Variants in PRKCH observed in about 807,000 individuals in gnomAD.
PRKCH encodes protein kinase C eta type.
PRKCH carries 28 observed loss-of-function variants against 82.5 expected under a neutral mutation model. That is an observed-to-expected ratio of 0.34 (90% CI 0.25 to 0.47). The LOEUF is 0.47. Among genes scored for constraint, PRKCH ranks in the 20% least tolerant of loss-of-function variants. PRKCH has a pLI of 1.00. For synonymous variants in PRKCH, 322 were observed against 327.4 expected (o/e 0.98, Z 0.18); for missense variants, 705 against 881.8 (o/e 0.80, Z 2.54).
intron 6 of PRKCH, 92 bp from the exon 7 acceptor site, chr14:61,453,134 T>C: frequency 6.7e-7 from 1 of 1,490,018 alleles, no homozygotes; most frequent in Non-Finnish European, 9.4e-7. Context: ...ATTCCTCTGT[T>C]ATAATCTTTT....
At chr14:61,485,793 T>G (rs975049297) in intron 10 of PRKCH, 137 bp downstream of exon 10, 12 of 1,256,734 alleles carry the variant, frequency 9.5e-6, no homozygotes, top group Admixed American at 7.2e-5. Context: ...TTTTGGTTTT[T>G]GTTTTTGAGA....
At chr14:61,362,340 TAAAA>T (rs10591516) in intron 1 of PRKCH, among the ~76,000 whole-genome samples, 14 of 125,500 alleles carry the variant, frequency 1.1e-4, no homozygotes, top group Admixed American at 1.6e-4. Context: ...CATCTTGTCT[TAAAA>T]AAAAAAAAAA....
intron 10 of PRKCH, 136 bp from the exon 11 acceptor site, chr14:61,528,939 G>A (rs1594788208): frequency 9.3e-6 from 8 of 859,174 alleles, no homozygotes; most frequent in Non-Finnish European, 1.4e-5. Flanking sequence ...TTTGACGTGT[G>A]TACAGGAAGC....
At chr14:61,498,425 C>T (rs571363696) in intron 10 of PRKCH, among the ~76,000 whole-genome samples, 1 of 152,306 alleles carries the variant, frequency 6.6e-6, no homozygotes, top group South Asian at 2.1e-4. Flanking sequence ...CAGCCTCACG[C>T]CGTGACCACT....
intron 9 of PRKCH, among the ~76,000 whole-genome samples, chr14:61,466,361 T>G (rs900811291): frequency 6.6e-6 from 1 of 152,166 alleles, no homozygotes; most frequent in Non-Finnish European, 1.5e-5. Context: ...ATCACACTCC[T>G]TTTATCTGAA....
intron 1 of PRKCH, chr14:61,277,793 G>A (rs2045217673): frequency 6.6e-6 from 1 of 152,108 alleles, no homozygotes; most frequent in African/African-American, 2.4e-5. Flanking sequence ...TACACGTTGA[G>A]GTTGATAAAG....
At chr14:61,424,637 A>G (rs759308810) in intron 2 of PRKCH, among the ~76,000 whole-genome samples, 1 of 152,268 alleles carries the variant, frequency 6.6e-6, no homozygotes, top group African/African-American at 2.4e-5. Flanking sequence ...CAGTCTGACA[A>G]TGCAGTAGAA....
At chr14:61,195,282 T>G (rs912322173) in intron 1 of PRKCH, among the ~76,000 whole-genome samples, 2 of 152,212 alleles carry the variant, frequency 1.3e-5, no homozygotes, top group Non-Finnish European at 2.9e-5. Context: ...GTGCCCAAAT[T>G]TATGCAAATA....
chr14:61,280,247 G>A lies in PRKCH; in HGVS notation c.-19+92579G>A. ...CACGAGATGCTGCTGAAGATGAGGA[G>A]CTTGTGGCCGCCGAACGCGCGCACC... On this transcript the variant is annotated intron_variant, in intron 1 of 3. Transcript: ENST00000555185. The surrounding 1 kb of genome is among the most constrained non-coding windows in gnomAD (Gnocchi z 5.0). The A allele has an allele frequency of 6.2e-7, 1 of 1,614,160 alleles. No homozygotes were observed.
At chr14:61,443,663 T>C (rs1209142829) in intron 3 of PRKCH, among the ~76,000 whole-genome samples, 2 of 152,234 alleles carry the variant, frequency 1.3e-5, no homozygotes, top group Non-Finnish European at 2.9e-5. Context: ...AATTAATGGT[T>C]GCGAGAAAAC....
chr14:61,302,857 C>A (rs921224899), intron 1 of PRKCH, among the ~76,000 whole-genome samples: 2 of 152,086 alleles, frequency 1.3e-5, no homozygotes, highest in Admixed American at 1.3e-4. Context: ...TCTGCAGATA[C>A]TAGGTGAAGT....
intron 1 of PRKCH, among the ~76,000 whole-genome samples, chr14:61,315,710 A>G (rs892756840): frequency 6.7e-6 from 1 of 150,064 alleles, no homozygotes; most frequent in Non-Finnish European, 1.5e-5. Context: ...ACTTCTTAGC[A>G]TATTTATATT....
At chr14:61,382,857 G>C (rs1038099001) in intron 1 of PRKCH, among the ~76,000 whole-genome samples, 2 of 152,224 alleles carry the variant, frequency 1.3e-5, no homozygotes, top group African/African-American at 4.8e-5. Flanking sequence ...AATGGCTTTT[G>C]TGAAGGGAAA....
chr14:61,238,050 T>C (rs2044805628), intron 1 of PRKCH, among the ~76,000 whole-genome samples: 1 of 152,260 alleles, frequency 6.6e-6, no homozygotes, highest in African/African-American at 2.4e-5. Context: ...AGTAACAGTC[T>C]GTTTATACAT....
chr14:61,249,962 C>CA (rs563325610), intron 1 of PRKCH, among the ~76,000 whole-genome samples: 115 of 150,032 alleles, frequency 7.7e-4, no homozygotes, highest in Non-Finnish European at 1.3e-3. Flanking sequence ...CTTATGTCCA[C>CA]AAAAAAAATC....
In PRKCH at chr14:61,421,283, A is replaced by G. The variant is rs79148197; in HGVS notation, c.428-21828A>G. ...TCAGTTTCAGGCAATATTGATAGGG[A>G]TGTGAAAACTAAACACTATAAGATT... On this transcript the variant is annotated intron_variant, in intron 2 of 13. Coordinates refer to ENST00000332981, the MANE Select transcript of PRKCH (RefSeq NM_006255.5). Among the ~76,000 whole-genome samples, 20 of 152,144 alleles carry G rather than the reference A, an allele frequency of 1.3e-4. No individual in the cohort carries two copies. In the East Asian group the frequency reaches 3.7e-3, roughly 28 times the overall value.
At chr14:61,333,777 T>C (rs1483960778) in intron 1 of PRKCH, among the ~76,000 whole-genome samples, 1 of 152,214 alleles carries the variant, frequency 6.6e-6, no homozygotes, top group African/African-American at 2.4e-5. Context: ...TTTTCCCTTG[T>C]AAAAAGAAAT....
At chr14:61,197,154 C>T (rs1287920968) in intron 1 of PRKCH, among the ~76,000 whole-genome samples, 1 of 152,216 alleles carries the variant, frequency 6.6e-6, no homozygotes, top group Non-Finnish European at 1.5e-5. Context: ...TATACAAAGG[C>T]TTCCTCTGCC....
At chr14:61,259,150 A>T (rs2045023692) in intron 1 of PRKCH, among the ~76,000 whole-genome samples, 1 of 152,188 alleles carries the variant, frequency 6.6e-6, no homozygotes. Flanking sequence ...GGAGTCCATT[A>T]TCCTGTCAGA....
Sources: gnomAD v4.1 joint callset for allele counts (sites outside exome capture counted in the v4.1 genomes callset) on GRCh38, gnomAD v4.1.1 for gene constraint, Gnocchi (gnomAD v3.1) non-coding constraint, MANE v1.5 for transcripts, NCBI Gene and HGNC (gene_info 2026-07-23, HGNC 2026-07-21) for gene names.